Variants in NLK observed in about 807,000 individuals in gnomAD.
The protein encoded by NLK is nemo like kinase, also known as serine/threonine-protein kinase NLK.
A neutral mutation model predicts 59.0 loss-of-function variants in NLK; 11 were observed. That is an observed-to-expected ratio of 0.19 (90% CI 0.12 to 0.31). The LOEUF (loss-of-function observed/expected upper bound fraction) is 0.31. Among genes scored for constraint, NLK ranks in the 10% least tolerant of loss-of-function variants. The probability of loss-of-function intolerance (pLI) is 1.00; values close to 1 mark genes in which losing one functional copy is unlikely to be tolerated. For synonymous variants in NLK, 235 were observed against 235.9 expected, an observed-to-expected ratio of 1.00 and a Z score of 0.03; for missense variants, 410 against 661.1, an observed-to-expected ratio of 0.62 and a Z score of 4.16.
chr17:28,065,070 C>G (rs1399321414), intron 1 of NLK, among the ~76,000 whole-genome samples: 1 of 151,858 alleles, frequency 6.6e-6, no homozygotes, highest in Non-Finnish European at 1.5e-5. Context: ...AATTCCTACC[C>G]GGGAGAAACT....
At chr17:28,068,844 A>G (rs1909919105) in intron 1 of NLK, among the ~76,000 whole-genome samples, 1 of 152,070 alleles carries the variant, frequency 6.6e-6, no homozygotes, top group African/African-American at 2.4e-5. Context: ...ACACCAGGCT[A>G]ATTTTTAAAA....
downstream of NLK, among the ~76,000 whole-genome samples, chr17:28,199,856 A>G (rs1278924133): frequency 1.3e-5 from 2 of 152,138 alleles, no homozygotes; most frequent in Non-Finnish European, 2.9e-5. Flanking sequence ...ATGGAAATAC[A>G]AAGAAATCAC....
chr17:28,088,447 G>T (rs1220253839), intron 1 of NLK, among the ~76,000 whole-genome samples: 1 of 152,038 alleles, frequency 6.6e-6, no homozygotes, highest in African/African-American at 2.4e-5. Context: ...CTTGTTGGTA[G>T]GTACGGTTTC....
At chr17:28,098,718 T>G (rs1300637032) in intron 1 of NLK, among the ~76,000 whole-genome samples, 1 of 150,424 alleles carries the variant, frequency 6.6e-6, no homozygotes, top group Non-Finnish European at 1.5e-5. Flanking sequence ...TTTTTGCTCT[T>G]GTTGCCCAGG....
chr17:28,072,405 A>G (rs1279206775), intron 1 of NLK, among the ~76,000 whole-genome samples: 7 of 146,198 alleles, frequency 4.8e-5, no homozygotes, highest in African/African-American at 1.8e-4. Flanking sequence ...GGCTCACTGC[A>G]GCCTCCACCT....
intron 1 of NLK, among the ~76,000 whole-genome samples, chr17:28,061,781 CATATAT>C (rs1026138513): frequency 1.4e-4 from 20 of 144,126 alleles, no homozygotes; most frequent in Middle Eastern, 3.6e-3. Context: ...TATACATATA[CATATAT>C]AATATATACA....
chr17:28,128,919 C>CAT (rs1177399477), intron 2 of NLK, among the ~76,000 whole-genome samples: 1 of 152,174 alleles, frequency 6.6e-6, no homozygotes, highest in African/African-American at 2.4e-5. Context: ...CAACAGCACT[C>CAT]TGAATAAGTA....
intron 10 of NLK, among the ~76,000 whole-genome samples, chr17:28,192,463 G>A (rs929936736): frequency 3.3e-5 from 5 of 152,168 alleles, no homozygotes; most frequent in Non-Finnish European, 7.3e-5. Context: ...GAGGTCTGGA[G>A]TTCAAGACCA....
the NLK span, among the ~76,000 whole-genome samples, chr17:28,204,453 T>C: frequency 6.6e-6 from 1 of 152,226 alleles, no homozygotes; most frequent in Admixed American, 6.5e-5. Flanking sequence ...AGGAATAGAC[T>C]TCTGTCTTCA....
At chr17:28,193,789 TG>T (rs1281265429) in intron 10 of NLK, among the ~76,000 whole-genome samples, 2 of 152,254 alleles carry the variant, frequency 1.3e-5, no homozygotes, top group East Asian at 3.8e-4. Flanking sequence ...ATTTCTTCCA[TG>T]TATTTTTCTA....
At chr17:28,117,989 T>C (rs1362761875) in intron 1 of NLK, among the ~76,000 whole-genome samples, 1 of 152,136 alleles carries the variant, frequency 6.6e-6, no homozygotes, top group East Asian at 1.9e-4. Flanking sequence ...AAAGTAAATT[T>C]CTTATTCCAT....
chr17:28,158,573 AC>A (rs1907877827), intron 3 of NLK, among the ~76,000 whole-genome samples: 1 of 152,156 alleles, frequency 6.6e-6, no homozygotes, highest in South Asian at 2.1e-4. Context: ...TAAATATTTT[AC>A]TCTTTTGTAA....
intron 1 of NLK, among the ~76,000 whole-genome samples, chr17:28,103,007 T>C (rs1904955775): frequency 6.6e-6 from 1 of 152,230 alleles, no homozygotes. Flanking sequence ...GGAGCAACTC[T>C]GCAATTTCTA....
chr17:28,202,635 A>G, the NLK span, among the ~76,000 whole-genome samples: 4 of 143,720 alleles, frequency 2.8e-5, no homozygotes, highest in East Asian at 6.1e-4. Flanking sequence ...CTCTTGTTCT[A>G]TTTTCTGGAA....
At chr17:28,048,488 C>T (rs1041776533) in intron 1 of NLK, 5 of 151,992 alleles carry the variant, frequency 3.3e-5, no homozygotes, top group Admixed American at 3.3e-4. Context: ...CCATCAGTAC[C>T]ACTGGGCATG....
intron 3 of NLK, among the ~76,000 whole-genome samples, chr17:28,157,617 A>G (rs937272794): frequency 1.3e-5 from 2 of 152,154 alleles, no homozygotes; most frequent in Non-Finnish European, 2.9e-5. Context: ...ATGAGCCACC[A>G]CACCTGGCCT....
rs1752988145 is a variant in NLK at position 28,142,466 on chromosome 17, A to G, written c.644+9791A>G. Among the ~76,000 whole-genome samples, 3 of 152,212 alleles carry G rather than the reference A, an allele frequency of 2.0e-5. No individual in the cohort carries two copies. The South Asian group carries it at 6.2e-4, about 32-fold the overall frequency. ...AGCACACCGATTTTTTTCTAGTTGC[A>G]AAGGCTCCCATGCTTTTTGTTGCAA... On this transcript the variant is annotated intron_variant, in intron 3 of 10. Coordinates refer to ENST00000407008, the MANE Select transcript of NLK (RefSeq NM_016231.5).
chr17:28,118,465 A>G (rs1458784125), intron 1 of NLK, among the ~76,000 whole-genome samples: 3 of 152,214 alleles, frequency 2.0e-5, no homozygotes, highest in South Asian at 2.1e-4. Context: ...AATGAAAGAG[A>G]AACACAATTT....
At chr17:28,196,753 CCCT>C (rs1909494503), downstream of NLK, among the ~76,000 whole-genome samples, 1 of 152,160 alleles carries the variant, frequency 6.6e-6, no homozygotes, top group South Asian at 2.1e-4. Context: ...CTTGACACCT[CCCT>C]CCTCTTCACT....
Sources: gnomAD v4.1 joint callset for allele counts (sites outside exome capture counted in the v4.1 genomes callset) on GRCh38, gnomAD v4.1.1 for gene constraint, MANE v1.5 for transcripts, NCBI Gene and HGNC (gene_info 2026-07-23, HGNC 2026-07-21) for gene names.